CNIH3: variants seen among roughly 807,000 people sequenced by gnomAD.
The protein encoded by CNIH3 is cornichon family AMPA receptor auxiliary protein 3.
CNIH3 carries 14 observed loss-of-function variants against 24.1 expected under a neutral mutation model. That is an observed-to-expected ratio of 0.58 (90% confidence interval 0.38 to 0.91). CNIH3 has a LOEUF of 0.91. Ranked by LOEUF, CNIH3 falls within the 40% of genes least tolerant of loss-of-function variation. CNIH3 has a pLI of 0.00. For synonymous variants in CNIH3, 68 were observed against 73.8 expected (o/e 0.92, Z 0.40); for missense variants, 178 against 196.8 (o/e 0.90, Z 0.57).
chr1:224,547,765 C>T (rs962087154), intron 3 of CNIH3, among the ~76,000 whole-genome samples: 7 of 151,514 alleles, frequency 4.6e-5, no homozygotes, highest in African/African-American at 1.2e-4. Context: ...TGATATTATT[C>T]GTAATACCGA....
intron 3 of CNIH3, among the ~76,000 whole-genome samples, chr1:224,556,442 T>G (rs1443503637): frequency 6.6e-6 from 1 of 152,164 alleles, no homozygotes; most frequent in East Asian, 1.9e-4. Flanking sequence ...CTGGCAGCTG[T>G]TTAAACCTTA....
intron 1 of CNIH3, among the ~76,000 whole-genome samples, chr1:224,479,899 TG>T (rs1456583380): frequency 6.6e-6 from 1 of 152,148 alleles, no homozygotes; most frequent in African/African-American, 2.4e-5. Context: ...ATCTACCATT[TG>T]GGGGTCTGGA....
At chr1:224,487,142 C>T (rs1187215292) in intron 1 of CNIH3, among the ~76,000 whole-genome samples, 1 of 152,168 alleles carries the variant, frequency 6.6e-6, no homozygotes, top group East Asian at 1.9e-4. Flanking sequence ...AGGGGATTTA[C>T]TAAATTTATG....
At chr1:224,622,080 CTG>C (rs1683310715) in intron 1 of CNIH3, among the ~76,000 whole-genome samples, 1 of 152,228 alleles carries the variant, frequency 6.6e-6, no homozygotes, top group African/African-American at 2.4e-5. Context: ...CCATGCTGAA[CTG>C]TGAGTCCATT....
downstream of CNIH3, among the ~76,000 whole-genome samples, chr1:224,538,091 C>T (rs986431851): frequency 6.6e-6 from 1 of 152,000 alleles, no homozygotes; most frequent in African/African-American, 2.4e-5. Context: ...GTTGGCATTA[C>T]AGGTGCCACC....
chr1:224,736,071 A>T lies in CNIH3; in HGVS notation c.455+1365A>T, dbSNP rs192843379. ...TAGATAATTTTCCTGAATTCCAGCT[A>T]TTAGTGTCACAGCTGTAAGTAGTAC... On this transcript the variant is annotated intron_variant, in intron 5 of 5. Transcript: ENST00000272133. 3.3e-5 allele frequency among the ~76,000 whole-genome samples: 5 copies of T among 152,306 alleles called. No homozygotes were observed. The East Asian group carries it at 7.7e-4, about 23-fold the overall frequency.
chr1:224,739,727 C>T lies in CNIH3; in HGVS notation c.*371C>T, dbSNP rs76413531. On this transcript the variant is annotated 3_prime_UTR_variant, in exon 6 of 6. Transcript: ENST00000272133. ...GCAAGTTCAAATGAGTTCCTGGGAG[C>T]GGAGGCTGGAAGGCCACAAGGTGCT... is the stretch of plus-strand genomic sequence containing the variant. 0.019 allele frequency: 4,849 copies of T among 259,540 alleles called. 62 individuals are homozygous for T. The highest frequency in any genetic ancestry group is 0.027 in the Non-Finnish European group (3,762 of 140,756). The allele number at this position is 259,540 out of a possible 1,614,324, so 16.1% of individuals were successfully genotyped here. A position where few individuals can be genotyped will look rare whatever the true frequency, so the allele number is the denominator to read the frequency against.
At chr1:224,623,506 GTTCC>G (rs1683382502) in intron 1 of CNIH3, among the ~76,000 whole-genome samples, 1 of 152,072 alleles carries the variant, frequency 6.6e-6, no homozygotes, top group South Asian at 2.1e-4. Flanking sequence ...ATGTGAGTCA[GTTCC>G]TTCAGCTTCC....
chr1:224,526,624 C>T (rs936067944), intron 2 of CNIH3, among the ~76,000 whole-genome samples: 3 of 152,168 alleles, frequency 2.0e-5, no homozygotes, highest in African/African-American at 7.2e-5. Flanking sequence ...AAATTATCTC[C>T]ATTGAGAAAT....
intron 1 of CNIH3, among the ~76,000 whole-genome samples, chr1:224,678,712 ATC>A (rs1256720005): frequency 3.3e-5 from 5 of 151,946 alleles, no homozygotes; most frequent in African/African-American, 1.2e-4. Context: ...GATGTTTTAT[ATC>A]TGTGCTGTGT....
At chr1:224,639,497 G>T (rs1684252364) in intron 1 of CNIH3, among the ~76,000 whole-genome samples, 1 of 152,230 alleles carries the variant, frequency 6.6e-6, no homozygotes, top group African/African-American at 2.4e-5. Context: ...AGCGTGATAA[G>T]CAAGAAGGTG....
chr1:224,505,348 G>T (rs1677865578), intron 1 of CNIH3, among the ~76,000 whole-genome samples: 1 of 151,634 alleles, frequency 6.6e-6, no homozygotes, highest in South Asian at 2.1e-4. Context: ...CATGAATTGT[G>T]GTATACACGT....
intron 3 of CNIH3, among the ~76,000 whole-genome samples, chr1:224,686,259 T>A (rs1028587988): frequency 6.6e-6 from 1 of 151,218 alleles, no homozygotes; most frequent in African/African-American, 2.4e-5. Context: ...ATGCAGTGTT[T>A]GGTTTTCTGT....
chr1:224,724,155 T>C (rs189521928), intron 3 of CNIH3, among the ~76,000 whole-genome samples: 7 of 152,366 alleles, frequency 4.6e-5, no homozygotes, highest in African/African-American at 1.7e-4. Flanking sequence ...TAAAACTATT[T>C]AATAAACTTT....
chr1:224,669,210 T>A (rs1440326145), intron 1 of CNIH3, among the ~76,000 whole-genome samples: 1 of 152,188 alleles, frequency 6.6e-6, no homozygotes, highest in Non-Finnish European at 1.5e-5. Flanking sequence ...GTCCCAGAGT[T>A]GCACAGCTCT....
chr1:224,444,492 G>A (rs1473232876), intron 1 of CNIH3, among the ~76,000 whole-genome samples: 1 of 151,996 alleles, frequency 6.6e-6, no homozygotes, highest in Non-Finnish European at 1.5e-5. Flanking sequence ...CCAAGCAGCT[G>A]GCTTGTGCCA....
intron 3 of CNIH3, among the ~76,000 whole-genome samples, chr1:224,605,259 G>A (rs1682371430): frequency 6.6e-6 from 1 of 152,128 alleles, no homozygotes; most frequent in Non-Finnish European, 1.5e-5. Flanking sequence ...GTTTCACCAG[G>A]GACCCACCCC....
intron 3 of CNIH3, among the ~76,000 whole-genome samples, chr1:224,690,420 C>T (rs904121318): frequency 6.6e-6 from 1 of 152,128 alleles, no homozygotes; most frequent in African/African-American, 2.4e-5. Context: ...AGGCTGGTCT[C>T]GAACTCCTGA....
At chr1:224,522,293 G>T (rs1326321693) in intron 2 of CNIH3, among the ~76,000 whole-genome samples, 1 of 152,176 alleles carries the variant, frequency 6.6e-6, no homozygotes, top group Non-Finnish European at 1.5e-5. Flanking sequence ...ACTTTGCAGG[G>T]TTGGAAAAAA....
Sources: gnomAD v4.1 joint callset for allele counts (sites outside exome capture counted in the v4.1 genomes callset) on GRCh38, gnomAD v4.1.1 for gene constraint, MANE v1.5 for transcripts, NCBI Gene and HGNC (gene_info 2026-07-23, HGNC 2026-07-21) for gene names.